Variants in COX10 observed in about 807,000 individuals in gnomAD.
COX10 encodes cytochrome c oxidase assembly factor heme A:farnesyltransferase COX10, also known as protoheme IX farnesyltransferase, mitochondrial.
In COX10, 27 loss-of-function variants were observed where a neutral mutation model predicts 37.3. That is an observed-to-expected ratio of 0.72 (90% CI 0.53 to 1.00). The LOEUF is 1.00. COX10 is among the 50% of genes least tolerant of loss of function. The pLI is 0.00. For synonymous variants in COX10, 222 were observed against 229.1 expected (o/e 0.97, Z 0.28); for missense variants, 475 against 563.2 (o/e 0.84, Z 1.59).
chr17:14,086,646 G>A (rs1326307875), intron 3 of COX10, among the ~76,000 whole-genome samples: 1 of 151,948 alleles, frequency 6.6e-6, no homozygotes, highest in African/African-American at 2.4e-5. Context: ...ATTATTTCTT[G>A]AGTTTTTCAG....
intron 6 of COX10, among the ~76,000 whole-genome samples, chr17:14,199,852 G>A (rs1299059445): frequency 1.3e-5 from 2 of 152,154 alleles, no homozygotes; most frequent in Non-Finnish European, 2.9e-5. Flanking sequence ...TGAAATCTGT[G>A]ACCATGAAGC....
intron 3 of COX10, among the ~76,000 whole-genome samples, chr17:14,097,614 AAT>A (rs1023182050): frequency 1.3e-5 from 2 of 152,168 alleles, no homozygotes; most frequent in African/African-American, 4.8e-5. Context: ...GAATAAAAAG[AAT>A]AACAAGATAC....
chr17:14,102,011 T>C (rs1915792402), intron 3 of COX10, 107 bp from the exon 4 acceptor site: 4 of 1,360,136 alleles, frequency 2.9e-6, no homozygotes, highest in East Asian at 2.3e-5. Context: ...GTGTTATTAA[T>C]ATAATCAATT....
chr17:14,088,325 C>T lies in COX10; in HGVS notation c.499+11269C>T, dbSNP rs145188016. Among the ~76,000 whole-genome samples the T allele has an allele frequency of 9.7e-4, 148 of 151,864 alleles. 1 individual carries two copies. The East Asian group carries it at 0.027, about 28-fold the overall frequency. The stretch of plus-strand genomic sequence containing the variant: ...GAGGTTTTTAGTATCCTGTCTTTAC[C>T]TAATTTATTGCTTCTGCAGATTTTT... On this transcript the variant is annotated intron_variant, in intron 3 of 6. Coordinates refer to ENST00000261643, the MANE Select transcript of COX10 (RefSeq NM_001303.4).
chr17:14,099,160 T>C (rs1915714138), intron 3 of COX10, among the ~76,000 whole-genome samples: 1 of 152,124 alleles, frequency 6.6e-6, no homozygotes, highest in Non-Finnish European at 1.5e-5. Context: ...TCTGTGCATG[T>C]CTCTCGTTTC....
Position 14,205,680 on chromosome 17 carries a change from A to G in COX10, c.929-1130A>G, listed in dbSNP as rs187851781. Among the ~76,000 whole-genome samples, 218 of 152,304 alleles carry G rather than the reference A, an allele frequency of 1.4e-3. 1 individual carries two copies. The highest frequency in any genetic ancestry group is 5.1e-3 in the African/African-American group (210 of 41,560). ...TGCCTGTCCTTAGGTGGCTTCGTGC[A>G]TGTCATAGAAGGACCCTGGCCTGAA... On this transcript the variant is annotated intron_variant, in intron 6 of 6. Transcript: ENST00000261643.
chr17:14,179,488 G>T lies in COX10; in HGVS notation c.696-12501G>T, dbSNP rs533408375. Among the ~76,000 whole-genome samples the T allele has an allele frequency of 2.7e-4, 41 of 152,158 alleles. No homozygotes were observed. The South Asian group carries it at 8.3e-3, about 31-fold the overall frequency. On this transcript the variant is annotated intron_variant, in intron 5 of 6. Coordinates refer to ENST00000261643, the MANE Select transcript of COX10 (RefSeq NM_001303.4). ...ATAATGCTCAAAGTTTTATAATCTG[G>T]GTGAAAAACCTAGCCACATGTATAA... is the stretch of plus-strand genomic sequence containing the variant.
At chr17:14,117,067 T>C (rs1168308344) in intron 4 of COX10, among the ~76,000 whole-genome samples, 1 of 152,208 alleles carries the variant, frequency 6.6e-6, no homozygotes, top group African/African-American at 2.4e-5. Context: ...TATTTATTCA[T>C]TATTTGTATT....
chr17:14,167,494 T>G (rs547550814), intron 5 of COX10, among the ~76,000 whole-genome samples: 48 of 152,330 alleles, frequency 3.2e-4, no homozygotes, highest in African/African-American at 1.1e-3. Flanking sequence ...TTTCATGAAA[T>G]GGAGAGTCAA....
intron 4 of COX10, among the ~76,000 whole-genome samples, chr17:14,128,233 T>G (rs1321408939): frequency 6.6e-6 from 1 of 152,122 alleles, no homozygotes; most frequent in Non-Finnish European, 1.5e-5. Flanking sequence ...ACTTTATTAT[T>G]TCATATTAAT....
chr17:14,151,789 C>T (rs999988757), intron 4 of COX10, among the ~76,000 whole-genome samples: 4 of 152,120 alleles, frequency 2.6e-5, no homozygotes, highest in Admixed American at 2.6e-4. Context: ...CAGGCAGAAC[C>T]TTTTAATTAC....
intron 4 of COX10, among the ~76,000 whole-genome samples, chr17:14,120,871 T>G (rs1373387792): frequency 6.6e-6 from 1 of 152,204 alleles, no homozygotes; most frequent in Non-Finnish European, 1.5e-5. Context: ...TCCTAAAGCT[T>G]AGATCCCTAG....
chr17:14,073,749 C>T (rs900304413), intron 1 of COX10, among the ~76,000 whole-genome samples: 1 of 152,048 alleles, frequency 6.6e-6, no homozygotes, highest in Non-Finnish European at 1.5e-5. Flanking sequence ...AGGAGGAGGA[C>T]CAAGGCAGAG....
chr17:14,178,592 G>A (rs935036919), intron 5 of COX10, among the ~76,000 whole-genome samples: 13 of 148,944 alleles, frequency 8.7e-5, no homozygotes, highest in African/African-American at 2.0e-4. Flanking sequence ...TTTTGTAGCC[G>A]ACTTCTGGAA....
intron 4 of COX10, among the ~76,000 whole-genome samples, chr17:14,151,526 AACACACAC>A (rs58412592): frequency 0.15 from 21,577 of 144,462 alleles, 2,030 homozygotes; most frequent in African/African-American, 0.25. Context: ...TTCCTGAACT[AACACACAC>A]ACACACACAC....
intron 1 of COX10, among the ~76,000 whole-genome samples, chr17:14,070,980 C>G (rs2142177973): frequency 6.6e-6 from 1 of 152,258 alleles, no homozygotes; most frequent in African/African-American, 2.4e-5. Flanking sequence ...TACTCTTCTG[C>G]TTTTACACAT....
At chr17:14,169,450 A>G (rs111487374) in intron 5 of COX10, among the ~76,000 whole-genome samples, 297 of 152,070 alleles carry the variant, frequency 2.0e-3, no homozygotes, top group Non-Finnish European at 3.0e-3. Context: ...TTGCTTCCAC[A>G]TTTTCAGGTA....
intron 1 of COX10, among the ~76,000 whole-genome samples, chr17:14,072,379 G>A (rs1410167790): frequency 6.6e-6 from 1 of 151,926 alleles, no homozygotes; most frequent in East Asian, 1.9e-4. Context: ...CACCACCACG[G>A]CCGGCTAAGT....
intron 4 of COX10, among the ~76,000 whole-genome samples, chr17:14,124,712 G>A (rs1395802913): frequency 6.6e-6 from 1 of 152,114 alleles, no homozygotes; most frequent in African/African-American, 2.4e-5. Flanking sequence ...GTGTTTTGGG[G>A]TGAAGTTCAG....
Sources: allele counts gnomAD v4.1 joint callset (sites outside exome capture counted in the v4.1 genomes callset), GRCh38; gene constraint gnomAD v4.1.1; transcripts MANE v1.5; gene names NCBI Gene and HGNC (gene_info 2026-07-23, HGNC 2026-07-21).